UNC5D: variants seen among roughly 807,000 people sequenced by gnomAD.
UNC5D encodes netrin receptor UNC5D.
Under a neutral mutation model 105.4 loss-of-function variants are expected in UNC5D, and 39 were observed. The observed-to-expected ratio is 0.37, with a 90% confidence interval of 0.29 to 0.48. UNC5D has a LOEUF of 0.48. Among genes scored for constraint, UNC5D ranks in the 20% least tolerant of loss-of-function variants. UNC5D has a pLI of 0.98. For missense variants in UNC5D, 991 were observed against 1,202.4 expected (o/e 0.82, Z 2.60); for synonymous variants, 452 against 450.4 (o/e 1.00, Z -0.04).
intron 1 of UNC5D, among the ~76,000 whole-genome samples, chr8:35,239,495 C>CT (rs5890797): frequency 0.61 from 89,553 of 146,904 alleles, 27,291 homozygotes; most frequent in African/African-American, 0.73. Context: ...TTCCCTTCTG[C>CT]TTTTTTTTTT....
chr8:35,259,450 C>A (rs975420664), intron 1 of UNC5D, among the ~76,000 whole-genome samples: 2 of 152,138 alleles, frequency 1.3e-5, no homozygotes, highest in Admixed American at 6.6e-5. Context: ...AGACGCCATG[C>A]AGATTTGAGC....
At chr8:35,517,979 C>T in intron 1 of UNC5D, among the ~76,000 whole-genome samples, 1 of 152,104 alleles carries the variant, frequency 6.6e-6, no homozygotes, top group East Asian at 1.9e-4. Flanking sequence ...CAGAGCACTT[C>T]CCGGAGGCCC....
intron 1 of UNC5D, among the ~76,000 whole-genome samples, chr8:35,306,949 G>A (rs1808467067): frequency 6.6e-6 from 1 of 152,030 alleles, no homozygotes; most frequent in Non-Finnish European, 1.5e-5. Flanking sequence ...TGAGCTATTT[G>A]TCAAATCTCA....
intron 15 of UNC5D, among the ~76,000 whole-genome samples, chr8:35,770,512 T>C (rs1277153277): frequency 6.6e-6 from 1 of 152,216 alleles, no homozygotes; most frequent in Non-Finnish European, 1.5e-5. Flanking sequence ...GTGGTCATTA[T>C]TGTATCAGTC....
At chr8:35,343,030 G>T (rs936816374) in intron 1 of UNC5D, among the ~76,000 whole-genome samples, 4 of 152,036 alleles carry the variant, frequency 2.6e-5, no homozygotes, top group African/African-American at 9.7e-5. Context: ...GACAAATTCT[G>T]GTCCTACTCC....
intron 1 of UNC5D, among the ~76,000 whole-genome samples, chr8:35,356,304 T>G (rs1801548198): frequency 6.6e-6 from 1 of 152,140 alleles, no homozygotes; most frequent in Non-Finnish European, 1.5e-5. Flanking sequence ...ACTCACATTT[T>G]TTCCTACTCC....
chr8:35,248,679 AAT>A (rs1200560893), intron 1 of UNC5D, among the ~76,000 whole-genome samples: 5 of 100,434 alleles, frequency 5.0e-5, no homozygotes, highest in Admixed American at 3.1e-4. Context: ...TGTTATATAT[AAT>A]ATATATAAAA....
intron 3 of UNC5D, among the ~76,000 whole-genome samples, chr8:35,575,377 G>T (rs1435279566): frequency 2.0e-5 from 3 of 152,134 alleles, no homozygotes; most frequent in African/African-American, 7.2e-5. Context: ...TTGCACCATG[G>T]ATCTAACATG....
In UNC5D at chr8:35,419,455, G is replaced by C. The variant is rs1043633430; in HGVS notation, c.104-129837G>C. On this transcript the variant is annotated intron_variant, in intron 1 of 16. Coordinates refer to ENST00000404895, the MANE Select transcript of UNC5D (RefSeq NM_080872.4). ...ATGCTGTGACTGTCTTCCACCCTGG[G>C]TGCCAGCATCTGGATGAGGGGGACA... 3.3e-5 allele frequency among the ~76,000 whole-genome samples: 5 copies of C among 152,176 alleles called. No homozygotes were observed. The East Asian group carries it at 9.6e-4, about 29-fold the overall frequency.
At chr8:35,463,909 T>C (rs1174633793) in intron 1 of UNC5D, among the ~76,000 whole-genome samples, 1 of 152,198 alleles carries the variant, frequency 6.6e-6, no homozygotes, top group African/African-American at 2.4e-5. Flanking sequence ...TTTAGCTAAA[T>C]GTAAAGTGCT....
chr8:35,684,618 C>T lies in UNC5D; in HGVS notation c.788C>T (p.Ala263Val), dbSNP rs777446562. 3 of 1,613,448 alleles carry T rather than the reference C, an allele frequency of 1.9e-6. No homozygotes were observed. The highest frequency in any genetic ancestry group is 3.3e-5 in the Admixed American group (2 of 59,994). Residue 263 changes from alanine to valine, a missense_variant, in exon 6 of 17, where the codon GCC becomes GTC. Coordinates refer to ENST00000404895, the MANE Select transcript of UNC5D (RefSeq NM_080872.4). ...TGGTCTTCCTGGACAGAGTGGTCAG[C>T]CTGCAATGTTCGCTGTGGTAGAGGA... The part of the protein sequence containing the change: ...GGWSSWTEWS[A>V]CNVRCGRGWQ...
chr8:35,498,941 T>A (rs1020519868), intron 1 of UNC5D, among the ~76,000 whole-genome samples: 2 of 152,220 alleles, frequency 1.3e-5, no homozygotes, highest in South Asian at 4.1e-4. Flanking sequence ...GCTTTGAAAC[T>A]TTTCTTGCTT....
chr8:35,396,905 G>C (rs1804140313), intron 1 of UNC5D, among the ~76,000 whole-genome samples: 1 of 150,704 alleles, frequency 6.6e-6, no homozygotes, highest in South Asian at 2.1e-4. Context: ...TTGTTTGTTT[G>C]GTTTGTTTTT....
chr8:35,338,071 T>G (rs1811185155), intron 1 of UNC5D, among the ~76,000 whole-genome samples: 1 of 152,200 alleles, frequency 6.6e-6, no homozygotes, highest in African/African-American at 2.4e-5. Context: ...GCCTTGCAAC[T>G]TTCATTCCTT....
intron 4 of UNC5D, among the ~76,000 whole-genome samples, chr8:35,596,457 C>T (rs1405952976): frequency 1.3e-5 from 2 of 151,950 alleles, no homozygotes; most frequent in Admixed American, 6.6e-5. Flanking sequence ...AATTTAGGCC[C>T]GTGAAGCCCG....
chr8:35,417,805 T>C (rs1268575880), intron 1 of UNC5D, among the ~76,000 whole-genome samples: 3 of 152,222 alleles, frequency 2.0e-5, no homozygotes, highest in Non-Finnish European at 2.9e-5. Context: ...CCTGGTCATG[T>C]TATATTTCTG....
At chr8:35,633,551 C>T (rs772656655) in intron 4 of UNC5D, among the ~76,000 whole-genome samples, 3 of 151,712 alleles carry the variant, frequency 2.0e-5, no homozygotes, top group Admixed American at 6.6e-5. Flanking sequence ...AATTCAAGAC[C>T]AACCTGGGCA....
intron 1 of UNC5D, among the ~76,000 whole-genome samples, chr8:35,455,450 T>C (rs1008064650): frequency 6.6e-6 from 1 of 151,928 alleles, no homozygotes; most frequent in Non-Finnish European, 1.5e-5. Flanking sequence ...GGCTAACTTC[T>C]GTATTCTTAG....
At chr8:35,473,426 T>C (rs1809876286) in intron 1 of UNC5D, among the ~76,000 whole-genome samples, 1 of 152,188 alleles carries the variant, frequency 6.6e-6, no homozygotes. Context: ...CAATAAGTAT[T>C]TGGTAGGTGG....
Sources: gnomAD v4.1 joint callset for allele counts (sites outside exome capture counted in the v4.1 genomes callset) on GRCh38, gnomAD v4.1.1 for gene constraint, MANE v1.5 for transcripts, NCBI Gene and HGNC (gene_info 2026-07-23, HGNC 2026-07-21) for gene names.